Variants in RORB observed in about 807,000 individuals in gnomAD.
The protein encoded by RORB is RAR related orphan receptor B, also known as nuclear receptor ROR-beta.
In RORB, 6 loss-of-function variants were observed where a neutral mutation model predicts 59.1. The ratio of observed to expected loss-of-function variants is 0.10; its 90% CI spans 0.06 to 0.20. RORB has a LOEUF of 0.20. Ranked by LOEUF, RORB falls within the 10% of genes least tolerant of loss-of-function variation. The pLI is 1.00. For synonymous variants in RORB, 215 were observed against 204.5 expected, an observed-to-expected ratio of 1.05 and a Z score of -0.44; for missense variants, 320 against 560.5, an observed-to-expected ratio of 0.57 and a Z score of 4.33.
rs182364732 is a variant in RORB, at chr9:74,509,191, T to C, written c.7+11208T>C. On this transcript the variant is annotated intron_variant, in intron 1 of 9. Coordinates refer to ENST00000376896, the MANE Select transcript of RORB (RefSeq NM_006914.4). ...CACTCCCAAAATAATGATAATGGCA[T>C]TTACCAATCTCAGGAAAAACTAAAA... Among the ~76,000 whole-genome samples the C allele has an allele frequency of 1.7e-4, 26 of 152,132 alleles. No homozygotes were observed. The East Asian group carries it at 5.0e-3, about 29-fold the overall frequency.
At chr9:74,510,159 A>G (rs535414345) in intron 1 of RORB, among the ~76,000 whole-genome samples, 2 of 152,094 alleles carry the variant, frequency 1.3e-5, no homozygotes, top group Non-Finnish European at 1.5e-5. Flanking sequence ...ACTCCAATTG[A>G]TCGTATTATA....
At chr9:74,586,769 G>C (rs1440008217) in intron 1 of RORB, among the ~76,000 whole-genome samples, 1 of 152,162 alleles carries the variant, frequency 6.6e-6, no homozygotes, top group East Asian at 1.9e-4. Context: ...TTTGAATGTA[G>C]AGTAGAACAG....
intron 1 of RORB, among the ~76,000 whole-genome samples, chr9:74,504,874 A>C (rs533673793): frequency 1.6e-4 from 25 of 152,212 alleles, no homozygotes; most frequent in Admixed American, 1.1e-3. Flanking sequence ...AATTAATTTT[A>C]AATTGTGTAT....
intron 1 of RORB, among the ~76,000 whole-genome samples, chr9:74,501,002 A>T (rs1825797044): frequency 6.6e-6 from 1 of 152,128 alleles, no homozygotes; most frequent in Admixed American, 6.5e-5. Context: ...AGGACCTTTA[A>T]TTGGGCCCAT....
intron 3 of RORB, among the ~76,000 whole-genome samples, chr9:74,640,975 T>C (rs541981035): frequency 1.2e-4 from 18 of 152,290 alleles, no homozygotes; most frequent in African/African-American, 3.9e-4. Context: ...ATTTAGATAT[T>C]CTCAGAAGAG....
chr9:74,640,016 T>C (rs1823770599), intron 3 of RORB, among the ~76,000 whole-genome samples: 1 of 152,122 alleles, frequency 6.6e-6, no homozygotes, highest in Non-Finnish European at 1.5e-5. Flanking sequence ...AGAATCAGAA[T>C]CTAATAAAGG....
At chr9:74,648,611 A>G (rs1563963614) in intron 4 of RORB, among the ~76,000 whole-genome samples, 1 of 152,198 alleles carries the variant, frequency 6.6e-6, no homozygotes, top group Admixed American at 6.5e-5. Flanking sequence ...GCAGGACGAT[A>G]CTCGGGGCTT....
chr9:74,665,268 T>C (rs1279593968), intron 6 of RORB, among the ~76,000 whole-genome samples: 2 of 152,168 alleles, frequency 1.3e-5, no homozygotes, highest in African/African-American at 2.4e-5. Flanking sequence ...ATACTTTCAA[T>C]GGCAAAAACT....
intron 2 of RORB, among the ~76,000 whole-genome samples, chr9:74,631,449 C>T (rs1823616143): frequency 3.8e-5 from 1 of 26,084 alleles, no homozygotes; most frequent in South Asian, 4.3e-3. Flanking sequence ...AAGTGTAGTA[C>T]AGTCATAGAG....
At chr9:74,664,600 G>A (rs768869357) in intron 6 of RORB, among the ~76,000 whole-genome samples, 13 of 152,188 alleles carry the variant, frequency 8.5e-5, no homozygotes, top group Non-Finnish European at 1.8e-4. Context: ...TGTCAGAAAA[G>A]CATTCCTTCA....
At chr9:74,502,726 G>C (rs960214733) in intron 1 of RORB, among the ~76,000 whole-genome samples, 1 of 152,080 alleles carries the variant, frequency 6.6e-6, no homozygotes, top group African/African-American at 2.4e-5. Context: ...ATCAGTGCCA[G>C]TGTGCATTGG....
At chr9:74,540,639 C>T (rs183483318) in intron 1 of RORB, among the ~76,000 whole-genome samples, 1 of 152,006 alleles carries the variant, frequency 6.6e-6, no homozygotes, top group Non-Finnish European at 1.5e-5. Flanking sequence ...GTACAGGGAT[C>T]TTTCTCATTC....
At chr9:74,653,420 C>G (rs1824026960) in intron 4 of RORB, among the ~76,000 whole-genome samples, 2 of 151,206 alleles carry the variant, frequency 1.3e-5, no homozygotes, top group African/African-American at 4.9e-5. Flanking sequence ...CACTTTGAGG[C>G]TGAGATACGG....
At chr9:74,576,740 G>A (rs758806274) in intron 1 of RORB, among the ~76,000 whole-genome samples, 25 of 151,976 alleles carry the variant, frequency 1.6e-4, no homozygotes, top group Non-Finnish European at 3.1e-4. Context: ...TTTTAGTTTC[G>A]TGCTGGTAGG....
intron 1 of RORB, among the ~76,000 whole-genome samples, chr9:74,621,556 T>C (rs1397233219): frequency 6.6e-6 from 1 of 152,244 alleles, no homozygotes; most frequent in Non-Finnish European, 1.5e-5. Context: ...AATATTTGTG[T>C]GCACGTTGTC....
chr9:74,623,901 T>G (rs944828398), intron 1 of RORB, among the ~76,000 whole-genome samples: 3 of 152,262 alleles, frequency 2.0e-5, no homozygotes, highest in African/African-American at 7.2e-5. Flanking sequence ...CGCTACAACT[T>G]ATAAAGTGAT....
chr9:74,587,473 A>G (rs1822818959), intron 1 of RORB, among the ~76,000 whole-genome samples: 1 of 152,140 alleles, frequency 6.6e-6, no homozygotes, highest in African/African-American at 2.4e-5. Context: ...CTCTTAAACT[A>G]CCCCAAAACT....
chr9:74,562,001 T>G (rs1822402634), intron 1 of RORB, among the ~76,000 whole-genome samples: 1 of 152,204 alleles, frequency 6.6e-6, no homozygotes, highest in African/African-American at 2.4e-5. Context: ...TCTGCATTTT[T>G]GGCCAGAATA....
rs534876593 is a variant in RORB at position 74,599,355 on chromosome 9, CA to C, written c.8-30925del. On this transcript the variant is annotated intron_variant, in intron 1 of 9. Transcript: ENST00000376896. ...ACGAATTGAAATGCTAACTATTATT[CA>C]ATGGCCTCTAAGGTCAAAAATATGG... Among the ~76,000 whole-genome samples, 26 of 151,818 alleles carry C rather than the reference CA, an allele frequency of 1.7e-4. No homozygotes were observed. In the East Asian group the frequency reaches 5.1e-3, roughly 30 times the overall value.
Sources: gnomAD v4.1 joint callset for allele counts (sites outside exome capture counted in the v4.1 genomes callset) on GRCh38, gnomAD v4.1.1 for gene constraint, MANE v1.5 for transcripts, NCBI Gene and HGNC (gene_info 2026-07-23, HGNC 2026-07-21) for gene names.